The following THSD4 variants were observed in gnomAD, a reference collection of about 807,000 sequenced individuals.
The protein encoded by THSD4 is thrombospondin type 1 domain containing 4, also known as thrombospondin type-1 domain-containing protein 4.
A neutral mutation model predicts 119.0 loss-of-function variants in THSD4; 69 were observed. The observed-to-expected ratio is 0.58, with a 90% confidence interval of 0.48 to 0.71. The LOEUF is 0.71. Among genes scored for constraint, THSD4 ranks in the 30% least tolerant of loss-of-function variants. The probability of loss-of-function intolerance (pLI) is 0.00; values close to 1 mark genes in which losing one functional copy is unlikely to be tolerated. For missense variants in THSD4, 1,393 were observed against 1,391.1 expected, an observed-to-expected ratio of 1.00 and a Z score of -0.02; for synonymous variants, 524 against 540.4, an observed-to-expected ratio of 0.97 and a Z score of 0.42.
chr15:71,436,840 G>A (rs928998302), intron 7 of THSD4, among the ~76,000 whole-genome samples: 18 of 152,110 alleles, frequency 1.2e-4, no homozygotes, highest in African/African-American at 1.2e-4. Flanking sequence ...ACATTTTTAC[G>A]GGGAAATGAA....
At chr15:71,411,244 T>C (rs2046683169) in intron 6 of THSD4, among the ~76,000 whole-genome samples, 1 of 152,212 alleles carries the variant, frequency 6.6e-6, no homozygotes, top group Non-Finnish European at 1.5e-5. Flanking sequence ...CTCAGCACTG[T>C]ATCACTACTA....
At chr15:71,646,192 A>G (rs985349474) in intron 7 of THSD4, among the ~76,000 whole-genome samples, 1 of 152,202 alleles carries the variant, frequency 6.6e-6, no homozygotes, top group African/African-American at 2.4e-5. Flanking sequence ...CATTCATCCT[A>G]TCAGATAAGC....
chr15:71,467,080 A>G (rs575820063), intron 7 of THSD4, among the ~76,000 whole-genome samples: 1 of 152,204 alleles, frequency 6.6e-6, no homozygotes, highest in Non-Finnish European at 1.5e-5. Context: ...GCTTCCAGGG[A>G]CTTCCAGAGC....
intron 8 of THSD4, among the ~76,000 whole-genome samples, chr15:71,693,238 C>T (rs911655576): frequency 2.0e-5 from 3 of 152,184 alleles, no homozygotes; most frequent in Non-Finnish European, 4.4e-5. Flanking sequence ...TAGCAGGAAG[C>T]ATCCTGGGGT....
chr15:71,698,484 T>C (rs185552688), intron 8 of THSD4, among the ~76,000 whole-genome samples: 1 of 151,744 alleles, frequency 6.6e-6, no homozygotes, highest in East Asian at 2.0e-4. Context: ...GGTTGCTGGG[T>C]ATATATATCA....
chr15:71,515,700 A>G (rs2048351426), intron 7 of THSD4, among the ~76,000 whole-genome samples: 1 of 152,206 alleles, frequency 6.6e-6, no homozygotes, highest in South Asian at 2.1e-4. Context: ...CCCAGCAGCT[A>G]GTTTGCTGCT....
upstream of THSD4, chr15:71,110,915 T>C: frequency 1.8e-6 from 1 of 548,832 alleles, no homozygotes; most frequent in Admixed American, 3.3e-5. Context: ...GCGTATGCCG[T>C]AGATCTCCAT....
intron 7 of THSD4, among the ~76,000 whole-genome samples, chr15:71,606,497 C>G (rs2050111866): frequency 2.6e-5 from 1 of 38,678 alleles, no homozygotes; most frequent in South Asian, 2.5e-3. Flanking sequence ...GGAATAAGAC[C>G]TCCCAGAAAT....
chr15:71,394,079 T>TATA (rs901470084), intron 6 of THSD4, among the ~76,000 whole-genome samples: 1 of 12,224 alleles, frequency 8.2e-5, no homozygotes, highest in Non-Finnish European at 3.1e-4. Context: ...ATACACAATA[T>TATA]TTTTTTTTTT....
intron 6 of THSD4, among the ~76,000 whole-genome samples, chr15:71,261,247 A>T (rs2044395144): frequency 6.6e-6 from 1 of 152,112 alleles, no homozygotes; most frequent in South Asian, 2.1e-4. Context: ...AAGACAGCCC[A>T]TGTGAAGGCA....
At chr15:71,530,783 C>G (rs1477501892) in intron 7 of THSD4, among the ~76,000 whole-genome samples, 2 of 149,436 alleles carry the variant, frequency 1.3e-5, no homozygotes, top group Non-Finnish European at 3.0e-5. Context: ...TGGGTTGATA[C>G]CTACTGTGTA....
intron 6 of THSD4, among the ~76,000 whole-genome samples, chr15:71,300,952 A>G (rs1055655286): frequency 6.6e-6 from 1 of 152,184 alleles, no homozygotes; most frequent in African/African-American, 2.4e-5. Context: ...GTTTAATTAG[A>G]TAATTTTCTT....
At chr15:71,654,932 G>A (rs1299946405) in intron 7 of THSD4, among the ~76,000 whole-genome samples, 4 of 152,118 alleles carry the variant, frequency 2.6e-5, no homozygotes, top group South Asian at 2.1e-4. Context: ...CTACCCTGCT[G>A]TGAAGGACAG....
At chr15:71,504,805 T>A (rs2048164592) in intron 7 of THSD4, among the ~76,000 whole-genome samples, 1 of 152,168 alleles carries the variant, frequency 6.6e-6, no homozygotes. Context: ...TTCAGCAGTT[T>A]TTCCATTGCC....
intron 7 of THSD4, among the ~76,000 whole-genome samples, chr15:71,415,195 A>G (rs1456243263): frequency 2.0e-5 from 3 of 152,222 alleles, no homozygotes; most frequent in Non-Finnish European, 4.4e-5. Flanking sequence ...AAGTTAATGA[A>G]AGGTGACAAG....
chr15:71,421,840 G>A (rs900293274), intron 7 of THSD4, among the ~76,000 whole-genome samples: 1 of 152,130 alleles, frequency 6.6e-6, no homozygotes, highest in Admixed American at 6.5e-5. Context: ...GATTTTGTAG[G>A]CATGCCTTAT....
chr15:71,750,807 C>G (rs536205256), intron 14 of THSD4, among the ~76,000 whole-genome samples: 2 of 152,348 alleles, frequency 1.3e-5, no homozygotes, highest in South Asian at 4.1e-4. Context: ...TCCAGGAGAG[C>G]TCATCCTAGT....
At chr15:71,730,994 A>G (rs1039722811) in intron 9 of THSD4, 127 bp from the exon 10 acceptor site, 2 of 752,732 alleles carry the variant, frequency 2.7e-6, no homozygotes, top group African/African-American at 1.7e-5. Flanking sequence ...AGGTTCACTG[A>G]TATTACTGGA....
chr15:71,760,535 T>C (rs1477522913), intron 15 of THSD4, among the ~76,000 whole-genome samples: 2 of 152,224 alleles, frequency 1.3e-5, no homozygotes, highest in Non-Finnish European at 2.9e-5. Flanking sequence ...ACCAAGTCTA[T>C]TATTTATGCC....
Sources: gnomAD v4.1 joint callset for allele counts (sites outside exome capture counted in the v4.1 genomes callset) on GRCh38, gnomAD v4.1.1 for gene constraint, MANE v1.5 for transcripts, NCBI Gene and HGNC (gene_info 2026-07-23, HGNC 2026-07-21) for gene names.